Variants in CSMD1 observed in about 807,000 individuals in gnomAD.
CSMD1 encodes the protein CUB and sushi domain-containing protein 1.
CSMD1 carries 213 observed loss-of-function variants against 417.5 expected under a neutral mutation model. The observed-to-expected ratio is 0.51, with a 90% CI of 0.46 to 0.57. The LOEUF (loss-of-function observed/expected upper bound fraction) is 0.57. CSMD1 is among the 20% of genes least tolerant of loss of function. The pLI, the probability that CSMD1 is intolerant of heterozygous loss-of-function variation, is 0.00. For synonymous variants in CSMD1, 2,862 were observed against 1,736.8 expected (o/e 1.65, Z -16.11); for missense variants, 6,923 against 4,529.7 (o/e 1.53, Z -15.17).
chr8:4,511,068 C>A (rs1000108650), intron 2 of CSMD1, among the ~76,000 whole-genome samples: 1 of 152,044 alleles, frequency 6.6e-6, no homozygotes, highest in Non-Finnish European at 1.5e-5. Flanking sequence ...TCTCAGCCAT[C>A]CTTCAGCCTG....
At chr8:3,581,957 A>G (rs1172470597) in intron 9 of CSMD1, among the ~76,000 whole-genome samples, 1 of 152,170 alleles carries the variant, frequency 6.6e-6, no homozygotes, top group Non-Finnish European at 1.5e-5. Context: ...GGCATGCACC[A>G]GCATGTCTAG....
At chr8:4,369,455 G>GTA (rs1802277319) in intron 3 of CSMD1, among the ~76,000 whole-genome samples, 1 of 152,068 alleles carries the variant, frequency 6.6e-6, no homozygotes, top group South Asian at 2.1e-4. Flanking sequence ...TGTCTCTGAC[G>GTA]TATAATTAGT....
At chr8:4,675,304 G>C (rs1241496223) in intron 1 of CSMD1, among the ~76,000 whole-genome samples, 1 of 152,160 alleles carries the variant, frequency 6.6e-6, no homozygotes, top group South Asian at 2.1e-4. Flanking sequence ...CCTAAAGAGA[G>C]TTATCAACAT....
intron 42 of CSMD1, among the ~76,000 whole-genome samples, chr8:3,111,530 A>G (rs1026664472): frequency 6.6e-6 from 1 of 152,064 alleles, no homozygotes; most frequent in Admixed American, 6.6e-5. Context: ...GAAGCTTGTC[A>G]TCTCTAAAAT....
rs1351603148 is a variant in CSMD1 at position 4,968,666 on chromosome 8, A to C, written c.85+25666T>G. Among the ~76,000 whole-genome samples the C allele has an allele frequency of 2.0e-5, 3 of 152,166 alleles. No homozygotes were observed. In the East Asian group the frequency reaches 5.8e-4, roughly 29 times the overall value. ...TCTATCAACAGCTAGTGTGGTTCAA[A>C]AGACTTAGCTATCTCTGCTTTCAAA... On this transcript the variant is annotated intron_variant, in intron 1 of 69. Transcript: ENST00000635120.
At chr8:4,408,313 A>G (rs1459467281) in intron 3 of CSMD1, among the ~76,000 whole-genome samples, 4 of 152,194 alleles carry the variant, frequency 2.6e-5, no homozygotes, top group Non-Finnish European at 5.9e-5. Context: ...AAACGTCTTC[A>G]AGTAAGCTAC....
chr8:3,375,036 T>A (rs1432789380), intron 18 of CSMD1: 1 of 152,174 alleles, frequency 6.6e-6, no homozygotes, highest in Non-Finnish European at 1.5e-5. Flanking sequence ...GAGGAGCTGG[T>A]GATGATACAC....
At chr8:4,000,066 G>C (rs1054919276) in intron 4 of CSMD1, among the ~76,000 whole-genome samples, 1 of 152,234 alleles carries the variant, frequency 6.6e-6, no homozygotes, top group African/African-American at 2.4e-5. Flanking sequence ...AACTGCAAAA[G>C]TACTTCCTGT....
intron 3 of CSMD1, among the ~76,000 whole-genome samples, chr8:4,167,784 G>C (rs1797537034): frequency 6.6e-6 from 1 of 152,096 alleles, no homozygotes; most frequent in Non-Finnish European, 1.5e-5. Flanking sequence ...GAGTTCAGGA[G>C]TTTGAGACTA....
intron 5 of CSMD1, among the ~76,000 whole-genome samples, chr8:3,930,327 A>G (rs1233674979): frequency 1.3e-5 from 2 of 150,594 alleles, no homozygotes; most frequent in Admixed American, 1.3e-4. Context: ...AACACTCTTA[A>G]ATATCTGCCA....
intron 25 of CSMD1, among the ~76,000 whole-genome samples, chr8:3,285,946 T>G (rs1047915446): frequency 6.6e-6 from 1 of 152,112 alleles, no homozygotes; most frequent in Non-Finnish European, 1.5e-5. Context: ...ACTCACCATT[T>G]AACATTAGAT....
intron 2 of CSMD1, among the ~76,000 whole-genome samples, chr8:4,438,653 T>C (rs1252629781): frequency 6.6e-6 from 1 of 152,234 alleles, no homozygotes; most frequent in African/African-American, 2.4e-5. Flanking sequence ...TAGTATTTAC[T>C]TGGAATTCCT....
chr8:3,479,439 C>A (rs1472666436), intron 11 of CSMD1, among the ~76,000 whole-genome samples: 1 of 152,098 alleles, frequency 6.6e-6, no homozygotes, highest in Non-Finnish European at 1.5e-5. Context: ...CACCACCATG[C>A]CCAGCTAATT....
chr8:3,915,473 G>A (rs565626065), intron 5 of CSMD1, among the ~76,000 whole-genome samples: 25 of 151,248 alleles, frequency 1.7e-4, no homozygotes, highest in African/African-American at 4.6e-4. Context: ...AGGACTTCAG[G>A]GAAGTGCAGG....
At chr8:4,049,126 C>T (rs945394533) in intron 3 of CSMD1, among the ~76,000 whole-genome samples, 1 of 152,092 alleles carries the variant, frequency 6.6e-6, no homozygotes, top group African/African-American at 2.4e-5. Context: ...TTTATTTTTA[C>T]AGCTATTCTT....
intron 42 of CSMD1, among the ~76,000 whole-genome samples, chr8:3,116,643 G>A (rs1449447374): frequency 2.0e-5 from 3 of 152,180 alleles, no homozygotes; most frequent in African/African-American, 7.2e-5. Flanking sequence ...AAAAAAGGTA[G>A]ATTTTGTTAT....
At chr8:4,444,865 G>A (rs893643170) in intron 2 of CSMD1, among the ~76,000 whole-genome samples, 1 of 152,296 alleles carries the variant, frequency 6.6e-6, no homozygotes, top group Admixed American at 6.5e-5. Flanking sequence ...GACTCCTGCT[G>A]CAGCCAAGGT....
chr8:3,530,379 A>C (rs973985167), intron 10 of CSMD1, among the ~76,000 whole-genome samples: 1 of 152,152 alleles, frequency 6.6e-6, no homozygotes, highest in Non-Finnish European at 1.5e-5. Context: ...GTCTCAAGGA[A>C]GTTTCCAATT....
intron 6 of CSMD1, among the ~76,000 whole-genome samples, chr8:3,726,357 T>G (rs1054500136): frequency 3.3e-5 from 5 of 152,184 alleles, no homozygotes; most frequent in Admixed American, 2.6e-4. Context: ...TTTGTAGCAA[T>G]AGAACTAATC....
Sources: gnomAD v4.1 joint callset for allele counts (sites outside exome capture counted in the v4.1 genomes callset) on GRCh38, gnomAD v4.1.1 for gene constraint, MANE v1.5 for transcripts, NCBI Gene and HGNC (gene_info 2026-07-23, HGNC 2026-07-21) for gene names.